LEKR1: variants seen among roughly 807,000 people sequenced by gnomAD.
LEKR1 encodes leucine, glutamate and lysine rich 1.
In LEKR1, 59 loss-of-function variants were observed where a neutral mutation model predicts 72.4. That is an observed-to-expected ratio of 0.82 (90% CI 0.66 to 1.01). The LOEUF (loss-of-function observed/expected upper bound fraction) is 1.01, where lower values mean the gene tolerates loss of function less well. LEKR1 is among the 50% of genes least tolerant of loss of function. The pLI is 0.00. For synonymous variants in LEKR1, 257 were observed against 263.2 expected (o/e 0.98, Z 0.23); for missense variants, 728 against 759.2 (o/e 0.96, Z 0.48).
intron 3 of LEKR1, among the ~76,000 whole-genome samples, chr3:156,863,392 A>T (rs1327658467): frequency 6.6e-6 from 1 of 151,942 alleles, no homozygotes; most frequent in South Asian, 2.1e-4. Context: ...CTTGACCCTC[A>T]TCCCTCCACC....
At chr3:157,040,644 A>G (rs1406222243) in intron 12 of LEKR1, among the ~76,000 whole-genome samples, 1 of 152,096 alleles carries the variant, frequency 6.6e-6, no homozygotes, top group African/African-American at 2.4e-5. Flanking sequence ...ATTTCCTTTT[A>G]CCTCAGCTCC....
At chr3:156,887,165 G>A (rs1408239651) in intron 3 of LEKR1, among the ~76,000 whole-genome samples, 3 of 151,988 alleles carry the variant, frequency 2.0e-5, no homozygotes, top group Admixed American at 1.3e-4. Context: ...TTTCTTTTGC[G>A]GGTGTCACGT....
chr3:157,037,630 A>C (rs1266922187), intron 12 of LEKR1, among the ~76,000 whole-genome samples: 1 of 152,188 alleles, frequency 6.6e-6, no homozygotes, highest in Admixed American at 6.6e-5. Context: ...CCATGAATCC[A>C]CAAAATCCCA....
intron 3 of LEKR1, among the ~76,000 whole-genome samples, chr3:156,872,200 T>C (rs1486833891): frequency 2.6e-5 from 4 of 152,008 alleles, no homozygotes; most frequent in African/African-American, 7.2e-5. Context: ...AATTTTTTCA[T>C]TCCCTCTAGG....
chr3:156,879,146 C>G (rs1219554581), intron 3 of LEKR1, among the ~76,000 whole-genome samples: 1 of 152,036 alleles, frequency 6.6e-6, no homozygotes, highest in African/African-American at 2.4e-5. Flanking sequence ...TAGGAAGGCT[C>G]AGAAGAAGAC....
intron 3 of LEKR1, among the ~76,000 whole-genome samples, chr3:156,878,905 T>C (rs751907489): frequency 6.6e-6 from 1 of 152,244 alleles, no homozygotes; most frequent in Non-Finnish European, 1.5e-5. Context: ...GCTCTCATTC[T>C]CTCTTGTCTG....
rs183862132 is a variant in LEKR1 at position 156,854,394 on chromosome 3, C to T, written c.263+1412C>T. 3.1e-4 allele frequency among the ~76,000 whole-genome samples: 47 copies of T among 152,160 alleles called. No homozygotes were observed. In the East Asian group the frequency reaches 8.9e-3, roughly 29 times the overall value. On this transcript the variant is annotated intron_variant, in intron 3 of 12. Transcript: ENST00000356539. ...CTCCTAACCTCAGGTGATCTGCCCA[C>T]CTGGGCCTCCCAAACTGTTGGCATT...
chr3:156,918,811 T>G (rs1169351507), intron 3 of LEKR1, among the ~76,000 whole-genome samples: 1 of 152,094 alleles, frequency 6.6e-6, no homozygotes, highest in Non-Finnish European at 1.5e-5. Flanking sequence ...GGAATTGGGG[T>G]AGAAGCACAT....
chr3:156,930,126 A>G (rs565362231), intron 5 of LEKR1, among the ~76,000 whole-genome samples: 17 of 152,260 alleles, frequency 1.1e-4, no homozygotes, highest in African/African-American at 2.9e-4. Flanking sequence ...ATGGGTCCTA[A>G]TCACACATAT....
chr3:156,944,765 TG>T (rs1220045090), intron 6 of LEKR1, among the ~76,000 whole-genome samples: 5 of 151,882 alleles, frequency 3.3e-5, no homozygotes, highest in Admixed American at 6.6e-5. Context: ...TTTTTATGGC[TG>T]AATAGTATTC....
chr3:157,024,083 C>G (rs1734032195), intron 10 of LEKR1, among the ~76,000 whole-genome samples: 1 of 152,114 alleles, frequency 6.6e-6, no homozygotes, highest in Admixed American at 6.6e-5. Context: ...CCTAACATCC[C>G]AAGAGAGTAT....
chr3:157,018,111 C>A (rs996251330), intron 10 of LEKR1, among the ~76,000 whole-genome samples: 32 of 151,910 alleles, frequency 2.1e-4, no homozygotes, highest in Non-Finnish European at 3.8e-4. Flanking sequence ...ACATAATAAC[C>A]CTAAATGTTC....
intron 9 of LEKR1, among the ~76,000 whole-genome samples, chr3:156,998,549 A>G (rs1731760262): frequency 6.6e-6 from 1 of 152,204 alleles, no homozygotes; most frequent in African/African-American, 2.4e-5. Context: ...TGCCCATAAC[A>G]TGATGGGAAC....
At chr3:157,023,075 T>C (rs2108032711) in intron 10 of LEKR1, among the ~76,000 whole-genome samples, 1 of 152,212 alleles carries the variant, frequency 6.6e-6, no homozygotes, top group East Asian at 1.9e-4. Flanking sequence ...TGTGTCCTTG[T>C]ACCCTGGCTT....
At chr3:157,033,729 A>T (rs1734779679) in intron 12 of LEKR1, among the ~76,000 whole-genome samples, 1 of 152,214 alleles carries the variant, frequency 6.6e-6, no homozygotes, top group Non-Finnish European at 1.5e-5. Flanking sequence ...ACAGGTTTTC[A>T]TTGTACATGG....
At chr3:157,008,277 A>G (rs1280639610) in intron 9 of LEKR1, among the ~76,000 whole-genome samples, 2 of 152,174 alleles carry the variant, frequency 1.3e-5, no homozygotes, top group East Asian at 3.8e-4. Context: ...AGTAAACCCC[A>G]TCACACAGGA....
rs533208034 is a variant in LEKR1, at chr3:157,012,404, C to T, written c.1203+898C>T. On this transcript the variant is annotated intron_variant, in intron 10 of 12. Transcript: ENST00000356539. ...TCCTGACAACTTGTTTGGGTTTTATCAGATTCTTCTCCTTGGGGATTGACC... is the reference window on the plus strand; with the variant it reads ...TCCTGACAACTTGTTTGGGTTTTATTAGATTCTTCTCCTTGGGGATTGACC... Among the ~76,000 whole-genome samples the T allele has an allele frequency of 2.6e-5, 4 of 152,264 alleles. No individual in the cohort carries two copies. In the South Asian group the frequency reaches 8.3e-4, roughly 32 times the overall value.
intron 9 of LEKR1, among the ~76,000 whole-genome samples, chr3:157,001,207 A>G (rs1342114650): frequency 6.6e-6 from 1 of 152,208 alleles, no homozygotes; most frequent in Non-Finnish European, 1.5e-5. Context: ...GTTCTAAGTA[A>G]TAATTGAAAA....
At chr3:156,984,417 C>A (rs1475660850) in intron 7 of LEKR1, among the ~76,000 whole-genome samples, 1 of 152,198 alleles carries the variant, frequency 6.6e-6, no homozygotes, top group East Asian at 1.9e-4. Flanking sequence ...TGCCTCATGC[C>A]TGTAATCTCA....
Sources: allele counts gnomAD v4.1 joint callset (sites outside exome capture counted in the v4.1 genomes callset), GRCh38; gene constraint gnomAD v4.1.1; transcripts MANE v1.5; gene names NCBI Gene and HGNC (gene_info 2026-07-23, HGNC 2026-07-21).